The following TAFA1 variants were observed in gnomAD, a reference collection of about 807,000 sequenced individuals.
TAFA1 encodes TAFA chemokine like family member 1.
In TAFA1, 4 loss-of-function variants were observed where a neutral mutation model predicts 18.5. The ratio of observed to expected loss-of-function variants is 0.22; its 90% CI spans 0.11 to 0.49. The LOEUF (loss-of-function observed/expected upper bound fraction) is 0.49. TAFA1 is among the 20% of genes least tolerant of loss of function. The probability of loss-of-function intolerance (pLI) is 0.98; values close to 1 mark genes in which losing one functional copy is unlikely to be tolerated. For missense variants in TAFA1, 147 were observed against 169.0 expected (o/e 0.87, Z 0.72); for synonymous variants, 56 against 55.2 (o/e 1.01, Z -0.06).
chr3:68,487,277 T>C (rs1453503883), intron 3 of TAFA1, among the ~76,000 whole-genome samples: 1 of 152,214 alleles, frequency 6.6e-6, no homozygotes, highest in East Asian at 1.9e-4. Context: ...ATCTTTTTTA[T>C]AACACACTGT....
chr3:68,056,444 G>T (rs2064537956), intron 2 of TAFA1, among the ~76,000 whole-genome samples: 2 of 152,144 alleles, frequency 1.3e-5, no homozygotes, highest in Admixed American at 6.6e-5. Context: ...AAACCAGATG[G>T]GTGGTCACCC....
rs749954542 is a variant in TAFA1 at position 68,233,752 on chromosome 3, A to T, written c.119-183528A>T. ...ATGATAATAATTCATGAGTGCTTTT[A>T]TACTGGAACTTCCAGGATAAAGGTC... is the stretch of plus-strand genomic sequence containing the variant. On this transcript the variant is annotated intron_variant, in intron 2 of 4. Transcript: ENST00000478136. Among the ~76,000 whole-genome samples the T allele has an allele frequency of 4.6e-5, 7 of 152,202 alleles. No homozygotes were observed. The East Asian group carries it at 1.3e-3, about 29-fold the overall frequency.
chr3:68,070,966 AC>A (rs1393082926), intron 2 of TAFA1, among the ~76,000 whole-genome samples: 1 of 152,160 alleles, frequency 6.6e-6, no homozygotes, highest in Admixed American at 6.5e-5. Context: ...GGAGTTCCAA[AC>A]TTCCCCACAT....
chr3:68,414,216 A>G (rs1427825442), intron 2 of TAFA1, among the ~76,000 whole-genome samples: 2 of 152,194 alleles, frequency 1.3e-5, no homozygotes, highest in Non-Finnish European at 2.9e-5. Context: ...CTGAGGCAAG[A>G]GAATCACTTG....
Position 68,019,970 on chromosome 3 carries a change from T to C in TAFA1, c.118+13226T>C, listed in dbSNP as rs760038589. On this transcript the variant is annotated intron_variant, in intron 2 of 4. Transcript: ENST00000478136. Reference sequence around the variant, plus strand: ...CAAGCACAGTATAGTTCTCCAGTCATTGAGTAATTAAATGAGACAGGAATA... The same window carrying C: ...CAAGCACAGTATAGTTCTCCAGTCACTGAGTAATTAAATGAGACAGGAATA... Among the ~76,000 whole-genome samples, 36 of 152,276 alleles carry C rather than the reference T, an allele frequency of 2.4e-4. 1 individual carries two copies. Among genetic ancestry groups the C allele is most frequent in the African/African-American group, 5.3e-4 (22 of 41,564 alleles).
intron 2 of TAFA1, among the ~76,000 whole-genome samples, chr3:68,356,310 T>C (rs984438089): frequency 6.6e-6 from 1 of 151,856 alleles, no homozygotes; most frequent in Non-Finnish European, 1.5e-5. Flanking sequence ...CTCATATATA[T>C]TATATGATTA....
At chr3:68,389,567 G>A (rs998213174) in intron 2 of TAFA1, among the ~76,000 whole-genome samples, 12 of 152,004 alleles carry the variant, frequency 7.9e-5, no homozygotes, top group East Asian at 1.9e-4. Flanking sequence ...GTTGATTCCC[G>A]GGCAAGATGG....
chr3:68,369,817 A>G (rs1298259678), intron 2 of TAFA1, among the ~76,000 whole-genome samples: 1 of 152,206 alleles, frequency 6.6e-6, no homozygotes, highest in Admixed American at 6.5e-5. Context: ...TCTATTAGAA[A>G]AAAACCAGAT....
chr3:68,457,846 C>A (rs1170579918), intron 3 of TAFA1, among the ~76,000 whole-genome samples: 2 of 152,084 alleles, frequency 1.3e-5, no homozygotes, highest in Non-Finnish European at 2.9e-5. Context: ...ATGTGTTCAG[C>A]TTTTTTAGAG....
chr3:68,435,097 G>C (rs2071247279), intron 3 of TAFA1, among the ~76,000 whole-genome samples: 1 of 152,084 alleles, frequency 6.6e-6, no homozygotes, highest in African/African-American at 2.4e-5. Flanking sequence ...AGAGGTTAGG[G>C]TGTTAAATGA....
At chr3:68,208,633 C>G (rs916121442) in intron 2 of TAFA1, among the ~76,000 whole-genome samples, 3 of 151,918 alleles carry the variant, frequency 2.0e-5, no homozygotes, top group Non-Finnish European at 2.9e-5. Flanking sequence ...GAAAGTAAGG[C>G]CAGTTGGCCT....
Position 68,023,380 on chromosome 3 carries a change from T to C in TAFA1, c.118+16636T>C, listed in dbSNP as rs145792672. Among the ~76,000 whole-genome samples, 85 of 152,244 alleles carry C rather than the reference T, an allele frequency of 5.6e-4. 1 individual carries two copies. Among genetic ancestry groups the C allele is most frequent in the African/African-American group, 1.9e-3 (80 of 41,552 alleles). ...CCGTGGCAGAAAAAGGAGAGTTTTGTAGGTTCAACATCAAATAAATGCCTT... is the reference window on the plus strand; with the variant it reads ...CCGTGGCAGAAAAAGGAGAGTTTTGCAGGTTCAACATCAAATAAATGCCTT... On this transcript the variant is annotated intron_variant, in intron 2 of 4. Transcript: ENST00000478136.
intron 2 of TAFA1, among the ~76,000 whole-genome samples, chr3:68,011,813 G>A (rs373444511): frequency 4.5e-4 from 69 of 152,230 alleles, no homozygotes; most frequent in African/African-American, 1.4e-3. Flanking sequence ...TGACCTCATC[G>A]CAGAGTCAGG....
At chr3:68,082,757 T>C (rs545193873) in intron 2 of TAFA1, among the ~76,000 whole-genome samples, 8 of 152,288 alleles carry the variant, frequency 5.3e-5, no homozygotes. Flanking sequence ...GAGGAATGAA[T>C]TGTATTTATG....
intron 2 of TAFA1, among the ~76,000 whole-genome samples, chr3:68,152,254 T>G (rs2065814705): frequency 6.6e-6 from 1 of 152,172 alleles, no homozygotes; most frequent in Non-Finnish European, 1.5e-5. Flanking sequence ...GAATGCTGGT[T>G]TGTGGAACGT....
intron 2 of TAFA1, among the ~76,000 whole-genome samples, chr3:68,242,366 G>A (rs957965483): frequency 6.6e-6 from 1 of 152,042 alleles, no homozygotes; most frequent in Non-Finnish European, 1.5e-5. Context: ...ACTTTTCTTT[G>A]CACAGTCTAA....
intron 2 of TAFA1, among the ~76,000 whole-genome samples, chr3:68,097,415 G>A (rs2065098733): frequency 6.6e-6 from 1 of 152,098 alleles, no homozygotes; most frequent in African/African-American, 2.4e-5. Flanking sequence ...CCCCATTTGT[G>A]TTTGGTTCTG....
chr3:68,121,308 C>T (rs1001293909), intron 2 of TAFA1, among the ~76,000 whole-genome samples: 1 of 149,508 alleles, frequency 6.7e-6, no homozygotes, highest in Non-Finnish European at 1.5e-5. Context: ...GTATATACTC[C>T]TAACCAGAGC....
At chr3:68,541,664 A>C (rs2073377678) in intron 4 of TAFA1, among the ~76,000 whole-genome samples, 1 of 152,090 alleles carries the variant, frequency 6.6e-6, no homozygotes, top group Admixed American at 6.6e-5. Context: ...ACTCAGGATA[A>C]AAATAAAGTT....
Sources: allele counts gnomAD v4.1 joint callset (sites outside exome capture counted in the v4.1 genomes callset), GRCh38; gene constraint gnomAD v4.1.1; transcripts MANE v1.5; gene names NCBI Gene and HGNC (gene_info 2026-07-23, HGNC 2026-07-21).